Variants in BAZ2B observed in about 807,000 individuals in gnomAD.
BAZ2B encodes bromodomain adjacent to zinc finger domain protein 2B.
In BAZ2B, 91 loss-of-function variants were observed where a neutral mutation model predicts 246.0. The observed-to-expected ratio is 0.37, with a 90% CI of 0.31 to 0.44. The LOEUF is 0.44. Ranked by LOEUF, BAZ2B falls within the 20% of genes least tolerant of loss-of-function variation. The probability of loss-of-function intolerance (pLI) is 1.00; values close to 1 mark genes in which losing one functional copy is unlikely to be tolerated. For missense variants in BAZ2B, 2,332 were observed against 2,533.7 expected (o/e 0.92, Z 1.71); for synonymous variants, 855 against 860.0 (o/e 0.99, Z 0.10).
In BAZ2B at chr2:159,320,076, C is replaced by T. The variant is rs1268204057; in HGVS notation, c.*189G>A. On this transcript the variant is annotated 3_prime_UTR_variant, in exon 37 of 37. Transcript: ENST00000392783. ...CTGATAAATCACACAAACCAATAAC[C>T]GAGGGCCTTGGTTGTTGTAGGAATG... 3 of 475,474 alleles carry T rather than the reference C, an allele frequency of 6.3e-6. No individual in the cohort carries two copies. The highest frequency in any genetic ancestry group is 6.9e-6 in the Non-Finnish European group (2 of 291,142). The allele number at this position is 475,474 out of a possible 1,614,324, so 29.5% of individuals were successfully genotyped here.
In BAZ2B at chr2:159,448,301, T is replaced by A; in HGVS notation, c.443A>T (p.Asp148Val). 6.2e-7 allele frequency: 1 copy of A among 1,613,314 alleles called. No homozygotes were observed. Among genetic ancestry groups the A allele is most frequent in the Non-Finnish European group, 8.5e-7 (1 of 1,179,828 alleles). ...PLFAPPAQNHDSSSFHSRTSG... is the reference protein window; with the variant it reads ...PLFAPPAQNHVSSSFHSRTSG... ...AGTCCTTGAATGGAATGAAGAAGAA[T>A]CATGATTCTGGGCTGGGGGAGCAAA... The change falls in exon 5 of 37, where the codon GAT becomes GTT. Residue 148 changes from aspartate to valine, a missense_variant. Asp to Val is a radical substitution (Grantham distance 152). Around this residue, in one of 9 missense-constraint regions of BAZ2B, gnomAD observed 242 missense variants for 237.4 expected, o/e 1.02. Coordinates refer to ENST00000392783, the MANE Select transcript of BAZ2B (RefSeq NM_013450.4).
In BAZ2B at chr2:159,331,260, G is replaced by A. The variant is rs145791413; in HGVS notation, c.5943+1280C>T. 5.0e-3 allele frequency among the ~76,000 whole-genome samples: 763 copies of A among 152,284 alleles called. 6 individuals carry two copies. The highest frequency in any genetic ancestry group is 0.017 in the African/African-American group (716 of 41,558). ...CTGGCAAGATGTGATATTTTCTTCC[G>A]ATGACTTCCATTTTCTCAGTTGAAT... On this transcript the variant is annotated intron_variant, in intron 34 of 36. Coordinates refer to ENST00000392783, the MANE Select transcript of BAZ2B (RefSeq NM_013450.4).
intron 2 of BAZ2B, among the ~76,000 whole-genome samples, chr2:159,507,081 T>C (rs140727160): frequency 1.8e-4 from 28 of 152,204 alleles, no homozygotes; most frequent in African/African-American, 6.5e-4. Flanking sequence ...ATTATAAAAG[T>C]TTTAGATTCA....
In BAZ2B at chr2:159,438,385, G is replaced by A. The variant is rs1380107143; in HGVS notation, c.1211C>T (p.Pro404Leu). 4 of 1,613,980 alleles carry A rather than the reference G, an allele frequency of 2.5e-6. No individual in the cohort carries two copies. Among genetic ancestry groups the A allele is most frequent in the Non-Finnish European group, 3.4e-6 (4 of 1,179,994 alleles). The change falls in exon 8 of 37, where the codon CCT becomes CTT. Residue 404 changes from proline to leucine, a missense_variant. This residue lies in a region of BAZ2B where 651 missense variants were observed against 650.9 expected (regional missense o/e 1.00). Coordinates refer to ENST00000392783, the MANE Select transcript of BAZ2B (RefSeq NM_013450.4). ...CCCTGCTTTAAGAACATCAGGAGAA[G>A]GAACTATGAGTTTCATGTAAGTTTC... The part of the protein sequence containing the change: ...KKETYMKLIV[P>L]SPDVLKAGNK...
In BAZ2B at chr2:159,331,471, G is replaced by A. The variant is rs138464864; in HGVS notation, c.5943+1069C>T. 5.0e-3 allele frequency among the ~76,000 whole-genome samples: 766 copies of A among 152,254 alleles called. 7 individuals carry two copies. Among genetic ancestry groups the A allele is most frequent in the African/African-American group, 0.017 (720 of 41,554 alleles). On this transcript the variant is annotated intron_variant, in intron 34 of 36. Coordinates refer to ENST00000392783, the MANE Select transcript of BAZ2B (RefSeq NM_013450.4). ...CAACCTCCACCTCTGAGGTTCAAGC[G>A]GTTCTCCTGCCTGAGCCCCCCAAAT...
intron 2 of BAZ2B, among the ~76,000 whole-genome samples, chr2:159,495,484 C>CAAAAAAA (rs56365046): frequency 1.6e-4 from 12 of 73,214 alleles, no homozygotes; most frequent in Admixed American, 4.3e-4. Flanking sequence ...GACTCCGTCT[C>CAAAAAAA]AAAAAAAAAA....
chr2:159,432,597 T>C (rs1319379729), intron 9 of BAZ2B, among the ~76,000 whole-genome samples, 160 bp downstream of exon 9: 1 of 152,242 alleles, frequency 6.6e-6, no homozygotes, highest in African/African-American at 2.4e-5. Context: ...ATTTCCAGTA[T>C]CAATTACTCC....
At chr2:159,443,208 T>C (rs770724647) in intron 6 of BAZ2B, among the ~76,000 whole-genome samples, 1 of 152,230 alleles carries the variant, frequency 6.6e-6, no homozygotes, top group Non-Finnish European at 1.5e-5. Flanking sequence ...TTTTGGTTGT[T>C]GTGGTAAGAA....
chr2:159,456,685 T>A (rs1279356967), intron 3 of BAZ2B, among the ~76,000 whole-genome samples: 1 of 152,174 alleles, frequency 6.6e-6, no homozygotes, highest in Non-Finnish European at 1.5e-5. Context: ...TACTTCCTAA[T>A]TCTTTCTTCT....
chr2:159,465,002 G>A (rs2076869649), intron 3 of BAZ2B, among the ~76,000 whole-genome samples: 1 of 152,162 alleles, frequency 6.6e-6, no homozygotes, highest in African/African-American at 2.4e-5. Context: ...AGCTTTGAAA[G>A]TATAGACTGG....
the BAZ2B span, among the ~76,000 whole-genome samples, chr2:159,632,328 G>A: frequency 6.6e-6 from 1 of 152,168 alleles, no homozygotes; most frequent in Non-Finnish European, 1.5e-5. Flanking sequence ...TCAATGTGCT[G>A]GGCCTGATTC....
chr2:159,344,537 A>AG (rs2067407763), intron 31 of BAZ2B, among the ~76,000 whole-genome samples: 1 of 151,084 alleles, frequency 6.6e-6, no homozygotes, highest in Non-Finnish European at 1.5e-5. Context: ...TCCGTCTCAA[A>AG]AAAAAAAAAA....
chr2:159,443,228 C>T (rs186406596), intron 6 of BAZ2B, among the ~76,000 whole-genome samples: 160 of 152,100 alleles, frequency 1.1e-3, no homozygotes, highest in African/African-American at 3.6e-3. Context: ...ATAACTTGTA[C>T]GACAGTTGGG....
the BAZ2B span, among the ~76,000 whole-genome samples, chr2:159,676,647 GCACA>G: frequency 4.2e-4 from 56 of 132,612 alleles, no homozygotes; most frequent in East Asian, 1.6e-3. Context: ...GTATCTAAAT[GCACA>G]CACACACACA....
At chr2:159,375,050 T>A (rs555513895) in intron 25 of BAZ2B, among the ~76,000 whole-genome samples, 3 of 152,106 alleles carry the variant, frequency 2.0e-5, no homozygotes, top group Admixed American at 6.5e-5. Flanking sequence ...ACCCAGTATC[T>A]ACGAAAAATA....
upstream of BAZ2B, chr2:159,617,056 T>C (rs1216992433): frequency 2.0e-5 from 3 of 152,096 alleles, no homozygotes; most frequent in African/African-American, 7.2e-5. Flanking sequence ...TGCACTAAGT[T>C]AAAATAAAAT....
chr2:159,469,185 T>C (rs2077469505), intron 3 of BAZ2B, among the ~76,000 whole-genome samples: 1 of 151,256 alleles, frequency 6.6e-6, no homozygotes, highest in Non-Finnish European at 1.5e-5. Flanking sequence ...TAAAAAAATC[T>C]GTAAAGTTGA....
intron 2 of BAZ2B, among the ~76,000 whole-genome samples, chr2:159,522,763 C>G (rs546700261): frequency 1.3e-5 from 2 of 152,032 alleles, no homozygotes; most frequent in South Asian, 4.2e-4. Flanking sequence ...CTTTAAAAAT[C>G]CAAAAATTTC....
upstream of BAZ2B, among the ~76,000 whole-genome samples, chr2:159,619,566 TA>T (rs904710447): frequency 3.3e-5 from 5 of 150,484 alleles, no homozygotes; most frequent in African/African-American, 1.2e-4. Flanking sequence ...AATTTTATAT[TA>T]AAATATATAT....
Sources: gnomAD v4.1 joint callset for allele counts (sites outside exome capture counted in the v4.1 genomes callset) on GRCh38, gnomAD v4.1.1 for gene constraint, gnomAD v4.1.1 regional missense constraint, MANE v1.5 for transcripts, NCBI Gene and HGNC (gene_info 2026-07-23, HGNC 2026-07-21) for gene names.